CSMD3: variants seen among roughly 807,000 people sequenced by gnomAD.
The protein encoded by CSMD3 is CUB and sushi domain-containing protein 3.
Under a neutral mutation model 435.2 loss-of-function variants are expected in CSMD3, and 177 were observed. The ratio of observed to expected loss-of-function variants is 0.41; its 90% confidence interval spans 0.36 to 0.46. CSMD3 has a LOEUF of 0.46. Ranked by LOEUF, CSMD3 falls within the 20% of genes least tolerant of loss-of-function variation. The pLI, the probability that CSMD3 is intolerant of heterozygous loss-of-function variation, is 0.34. For missense variants in CSMD3, 4,265 were observed against 4,504.6 expected, an observed-to-expected ratio of 0.95 and a Z score of 1.52; for synonymous variants, 1,656 against 1,520.5, an observed-to-expected ratio of 1.09 and a Z score of -2.07.
intron 37 of CSMD3, among the ~76,000 whole-genome samples, chr8:112,382,794 C>T (rs533539328): frequency 4.6e-5 from 7 of 152,132 alleles, no homozygotes; most frequent in African/African-American, 7.2e-5. Context: ...GTTCACGACC[C>T]GCCTCGCCAA....
At chr8:112,235,228 T>A (rs1052053573) in intron 67 of CSMD3, among the ~76,000 whole-genome samples, 1 of 151,418 alleles carries the variant, frequency 6.6e-6, no homozygotes, top group Admixed American at 6.6e-5. Flanking sequence ...AAAAATACTT[T>A]AAAAAATTAG....
At chr8:113,163,544 CTT>C (rs928712284) in intron 4 of CSMD3, among the ~76,000 whole-genome samples, 2 of 151,652 alleles carry the variant, frequency 1.3e-5, no homozygotes, top group East Asian at 1.9e-4. Flanking sequence ...TATAAAGAAA[CTT>C]ATTCTAGAAA....
intron 24 of CSMD3, among the ~76,000 whole-genome samples, chr8:112,572,213 G>C (rs542872002): frequency 1.3e-5 from 2 of 151,946 alleles, no homozygotes; most frequent in African/African-American, 4.8e-5. Flanking sequence ...AATTTGTCTG[G>C]ACTATTATTT....
intron 12 of CSMD3, among the ~76,000 whole-genome samples, chr8:112,801,841 C>T (rs2078969074): frequency 6.6e-6 from 1 of 151,918 alleles, no homozygotes; most frequent in Non-Finnish European, 1.5e-5. Context: ...TCAGCTATAC[C>T]ATATCAAACA....
intron 3 of CSMD3, among the ~76,000 whole-genome samples, chr8:113,198,779 C>T (rs910576180): frequency 2.6e-5 from 4 of 151,136 alleles, no homozygotes; most frequent in Admixed American, 6.6e-5. Flanking sequence ...ATTTTGGAAA[C>T]TGCAGCCCAT....
chr8:113,239,667 G>T (rs935041583), intron 3 of CSMD3, among the ~76,000 whole-genome samples: 1 of 152,062 alleles, frequency 6.6e-6, no homozygotes, highest in African/African-American at 2.4e-5. Context: ...ATGAGTAGGA[G>T]GGTGGAGAGG....
At chr8:112,398,479 G>A (rs1261607257) in intron 35 of CSMD3, among the ~76,000 whole-genome samples, 2 of 152,190 alleles carry the variant, frequency 1.3e-5, no homozygotes, top group African/African-American at 4.8e-5. Context: ...CTAAAGGTGT[G>A]GGGCTATCCA....
intron 22 of CSMD3, among the ~76,000 whole-genome samples, chr8:112,606,320 C>T (rs1252415374): frequency 6.6e-6 from 1 of 152,122 alleles, no homozygotes; most frequent in South Asian, 2.1e-4. Flanking sequence ...AATAGACTCA[C>T]TTCTATCTTG....
intron 1 of CSMD3, among the ~76,000 whole-genome samples, chr8:113,345,093 C>G (rs1429391457): frequency 6.6e-6 from 1 of 151,976 alleles, no homozygotes; most frequent in Non-Finnish European, 1.5e-5. Context: ...GCATATAAAG[C>G]ACCCAATGTA....
At chr8:113,332,205 C>T (rs988111882) in intron 1 of CSMD3, among the ~76,000 whole-genome samples, 4 of 150,668 alleles carry the variant, frequency 2.7e-5, no homozygotes, top group African/African-American at 9.7e-5. Flanking sequence ...TAAAAAAATA[C>T]TTTACTGCTA....
chr8:112,638,059 A>G (rs897169082), intron 21 of CSMD3, among the ~76,000 whole-genome samples: 31 of 151,446 alleles, frequency 2.0e-4, no homozygotes, highest in Non-Finnish European at 3.8e-4. Context: ...GTCTCATACA[A>G]TTTTTTCCCC....
intron 25 of CSMD3, 87 bp downstream of exon 25, chr8:112,556,676 G>A (rs1386038610): frequency 2.9e-6 from 3 of 1,048,698 alleles, no homozygotes; most frequent in Middle Eastern, 2.2e-4. Flanking sequence ...TTAGTTCTAT[G>A]AGGACAGAAA....
intron 32 of CSMD3, among the ~76,000 whole-genome samples, chr8:112,418,942 A>T (rs536522826): frequency 1.1e-4 from 17 of 152,310 alleles, no homozygotes; most frequent in African/African-American, 4.1e-4. Context: ...TAAGAAGTAT[A>T]TGAAACATAA....
At chr8:113,212,218 G>A (rs1332920779) in intron 3 of CSMD3, among the ~76,000 whole-genome samples, 1 of 152,138 alleles carries the variant, frequency 6.6e-6, no homozygotes, top group African/African-American at 2.4e-5. Context: ...GTTCATTATT[G>A]GTTATCAAAG....
rs987633334 is a variant in CSMD3 at position 113,303,472 on chromosome 8, G to C, written c.401+11099C>G. On this transcript the variant is annotated intron_variant, in intron 2 of 70. Transcript: ENST00000297405. ...TCACCAAGTCAATCATAAGCCAAAA[G>C]AACAAAGCTGGAGGCATCATGCTAC... Among the ~76,000 whole-genome samples the C allele has an allele frequency of 1.7e-4, 26 of 151,980 alleles. No homozygotes were observed. In the East Asian group the frequency reaches 1.7e-3, roughly 10 times the overall value.
chr8:112,828,989 C>G (rs1194316327), intron 12 of CSMD3, among the ~76,000 whole-genome samples: 1 of 150,616 alleles, frequency 6.6e-6, no homozygotes, highest in Non-Finnish European at 1.5e-5. Flanking sequence ...TTCTAGGAGG[C>G]CTTCTTGTAA....
chr8:112,296,385 A>G (rs796677962), intron 53 of CSMD3, among the ~76,000 whole-genome samples: 4 of 152,114 alleles, frequency 2.6e-5, no homozygotes, highest in African/African-American at 9.6e-5. Context: ...CCCCGTCTCT[A>G]CTAAAAATAC....
At chr8:113,179,499 A>G (rs1454211764) in intron 3 of CSMD3, among the ~76,000 whole-genome samples, 1 of 151,772 alleles carries the variant, frequency 6.6e-6, no homozygotes, top group Non-Finnish European at 1.5e-5. Flanking sequence ...AAGGAAATCC[A>G]AGGTCCAATC....
intron 2 of CSMD3, among the ~76,000 whole-genome samples, chr8:113,294,177 T>A (rs2132545616): frequency 6.6e-6 from 1 of 152,190 alleles, no homozygotes; most frequent in Non-Finnish European, 1.5e-5. Flanking sequence ...AACATGAAAC[T>A]ATCTTGAAAA....
Sources: gnomAD v4.1 joint callset for allele counts (sites outside exome capture counted in the v4.1 genomes callset) on GRCh38, gnomAD v4.1.1 for gene constraint, MANE v1.5 for transcripts, NCBI Gene and HGNC (gene_info 2026-07-23, HGNC 2026-07-21) for gene names.